Variants in MEIKIN observed in about 807,000 individuals in gnomAD.
The protein encoded by MEIKIN is meiosis-specific kinetochore protein.
chr5:131,868,050 T>A (rs1750418940), intron 9 of MEIKIN, among the ~76,000 whole-genome samples: 1 of 152,212 alleles, frequency 6.6e-6, no homozygotes, highest in South Asian at 2.1e-4. Context: ...TGTTTTGGAT[T>A]TTGGCCATTC....
intron 8 of MEIKIN, among the ~76,000 whole-genome samples, chr5:131,910,400 A>G (rs1371525234): frequency 6.6e-6 from 1 of 152,090 alleles, no homozygotes; most frequent in African/African-American, 2.4e-5. Context: ...TAGAGAATAG[A>G]AGGATGGTTA....
chr5:131,911,318 T>C (rs565625617), intron 8 of MEIKIN, among the ~76,000 whole-genome samples: 1 of 152,056 alleles, frequency 6.6e-6, no homozygotes, highest in Admixed American at 6.6e-5. Context: ...ATGGATGCTA[T>C]AAAACTTGAT....
chr5:131,835,643 G>C (rs555272162), intron 11 of MEIKIN, among the ~76,000 whole-genome samples: 75 of 152,282 alleles, frequency 4.9e-4, no homozygotes, highest in African/African-American at 1.8e-3. Flanking sequence ...ACCCAGGCTG[G>C]AGTGCAGTGG....
chr5:131,922,762 T>G (rs902180767), intron 5 of MEIKIN, among the ~76,000 whole-genome samples: 2 of 152,206 alleles, frequency 1.3e-5, no homozygotes, highest in Non-Finnish European at 2.9e-5. Flanking sequence ...TTAAGTTAGA[T>G]CAATATTCAT....
intron 6 of MEIKIN, among the ~76,000 whole-genome samples, chr5:131,921,338 T>C: frequency 6.6e-6 from 1 of 151,804 alleles, no homozygotes; most frequent in East Asian, 1.9e-4. Flanking sequence ...ATAGCGAGAC[T>C]CCATCTCTAG....
chr5:131,842,071 C>T (rs562329851), intron 11 of MEIKIN, among the ~76,000 whole-genome samples: 2 of 152,090 alleles, frequency 1.3e-5, no homozygotes, highest in Non-Finnish European at 2.9e-5. Flanking sequence ...ACGATCTTGG[C>T]TCACTGCAAC....
chr5:131,839,597 C>G (rs891665804), intron 11 of MEIKIN, among the ~76,000 whole-genome samples: 1 of 152,144 alleles, frequency 6.6e-6, no homozygotes, highest in African/African-American at 2.4e-5. Flanking sequence ...AACCATTTAC[C>G]ATTATGTAAT....
intron 5 of MEIKIN, among the ~76,000 whole-genome samples, chr5:131,922,640 A>G (rs1751524311): frequency 6.6e-6 from 1 of 152,152 alleles, no homozygotes; most frequent in East Asian, 1.9e-4. Flanking sequence ...ACTTAATATC[A>G]GTTTTAAGCT....
At chr5:131,874,121 A>G (rs1750561838) in intron 9 of MEIKIN, among the ~76,000 whole-genome samples, 1 of 152,252 alleles carries the variant, frequency 6.6e-6, no homozygotes, top group Non-Finnish European at 1.5e-5. Flanking sequence ...AAAAGCTAGC[A>G]GAAGGCAAGA....
intron 8 of MEIKIN, among the ~76,000 whole-genome samples, chr5:131,884,487 T>C (rs1750744271): frequency 6.6e-6 from 1 of 151,912 alleles, no homozygotes; most frequent in Non-Finnish European, 1.5e-5. Context: ...GCAGGTTTCA[T>C]CACCTGCTGA....
intron 8 of MEIKIN, among the ~76,000 whole-genome samples, chr5:131,906,994 T>G (rs1751253548): frequency 6.6e-6 from 1 of 152,170 alleles, no homozygotes; most frequent in Non-Finnish European, 1.5e-5. Flanking sequence ...AAATTAGATA[T>G]GTTTACACCT....
At chr5:131,821,865 T>C (rs1749514150) in intron 11 of MEIKIN, among the ~76,000 whole-genome samples, 1 of 151,912 alleles carries the variant, frequency 6.6e-6, no homozygotes, top group Non-Finnish European at 1.5e-5. Context: ...GCTCAAGTGA[T>C]CCTCCCACTT....
At chr5:131,944,423 T>G in intron 3 of MEIKIN, 1 of 339,976 alleles carries the variant, frequency 2.9e-6, no homozygotes, top group African/African-American at 2.1e-5. Context: ...ATTCACCAAT[T>G]ATGGACGTTT....
chr5:131,899,205 G>A (rs1186531341), intron 8 of MEIKIN, among the ~76,000 whole-genome samples: 1 of 152,150 alleles, frequency 6.6e-6, no homozygotes. Context: ...AAGCTAAGAT[G>A]TAGTTTTATT....
chr5:131,874,374 G>A (rs368885896), intron 9 of MEIKIN, among the ~76,000 whole-genome samples: 159 of 152,288 alleles, frequency 1.0e-3, no homozygotes, highest in Middle Eastern at 3.4e-3. Flanking sequence ...ACACCTCTAC[G>A]CAAATAAACT....
chr5:131,885,368 AGAGAG>A (rs1750770704), intron 8 of MEIKIN, among the ~76,000 whole-genome samples: 2 of 39,448 alleles, frequency 5.1e-5, no homozygotes, highest in Non-Finnish European at 1.4e-4. Flanking sequence ...AGAGAGAGAG[AGAGAG>A]AGAGAGAGAG....
intron 4 of MEIKIN, among the ~76,000 whole-genome samples, chr5:131,934,294 A>G (rs947222279): frequency 6.6e-6 from 1 of 152,098 alleles, no homozygotes; most frequent in Non-Finnish European, 1.5e-5. Context: ...TAACCCATTA[A>G]TTGTAAGCTA....
At chr5:131,817,118 A>G (rs1773116444) in intron 12 of MEIKIN, among the ~76,000 whole-genome samples, 1 of 152,074 alleles carries the variant, frequency 6.6e-6, no homozygotes, top group Non-Finnish European at 1.5e-5. Context: ...GAGGACATCC[A>G]TTTTCTCTTG....
intron 11 of MEIKIN, among the ~76,000 whole-genome samples, chr5:131,840,601 T>C (rs1324847791): frequency 6.6e-6 from 1 of 151,820 alleles, no homozygotes; most frequent in Non-Finnish European, 1.5e-5. Context: ...GTCTTATTTC[T>C]TAAGCTCTGA....
Sources: gnomAD v4.1 joint callset for allele counts (sites outside exome capture counted in the v4.1 genomes callset) on GRCh38, gnomAD v4.1.1 for gene constraint, MANE v1.5 for transcripts, NCBI Gene and HGNC (gene_info 2026-07-23, HGNC 2026-07-21) for gene names.